Variants in FOXK2 observed in about 807,000 individuals in gnomAD.
The protein encoded by FOXK2 is forkhead box protein K2.
A neutral mutation model predicts 53.3 loss-of-function variants in FOXK2; 24 were observed. The ratio of observed to expected loss-of-function variants is 0.45; its 90% CI spans 0.33 to 0.63. FOXK2 has a LOEUF of 0.63. FOXK2 is among the 30% of genes least tolerant of loss of function. The pLI, the probability that FOXK2 is intolerant of heterozygous loss-of-function variation, is 0.03. For synonymous variants in FOXK2, 505 were observed against 407.1 expected (o/e 1.24, Z -2.89); for missense variants, 952 against 910.5 (o/e 1.05, Z -0.59).
chr17:82,561,609 G>A (rs78707531), intron 1 of FOXK2, among the ~76,000 whole-genome samples: 2,177 of 152,234 alleles, frequency 0.014, 126 homozygotes, highest in Admixed American at 0.098. Context: ...AGGACTGGCC[G>A]TCCTGCGTGT....
intron 1 of FOXK2, among the ~76,000 whole-genome samples, chr17:82,537,370 G>A (rs1429035855): frequency 2.0e-5 from 3 of 152,044 alleles, no homozygotes; most frequent in South Asian, 2.1e-4. Context: ...ATTGCCGGGC[G>A]GGCACGGTGG....
chr17:82,542,683 TG>T (rs1464115193), intron 1 of FOXK2, among the ~76,000 whole-genome samples: 1 of 152,074 alleles, frequency 6.6e-6, no homozygotes, highest in Admixed American at 6.6e-5. Context: ...AGAGGACAGG[TG>T]CAGAGTGCGG....
At chr17:82,575,981 G>A (rs1464788280) in intron 4 of FOXK2, among the ~76,000 whole-genome samples, 2 of 121,436 alleles carry the variant, frequency 1.6e-5, no homozygotes, top group Non-Finnish European at 3.4e-5. Context: ...GGCGGCGGCG[G>A]GTTCGTCCAC....
intron 2 of FOXK2, among the ~76,000 whole-genome samples, chr17:82,567,050 A>T (rs1024093891): frequency 6.6e-6 from 1 of 152,120 alleles, no homozygotes; most frequent in African/African-American, 2.4e-5. Flanking sequence ...TTCATGGCGG[A>T]GAGTCTAAGA....
intron 1 of FOXK2, among the ~76,000 whole-genome samples, chr17:82,553,568 C>G (rs1304086543): frequency 6.6e-6 from 1 of 152,244 alleles, no homozygotes; most frequent in African/African-American, 2.4e-5. Context: ...CACAGAAGCA[C>G]AAACATGGTT....
rs1012379606 is a variant in FOXK2 at position 82,603,812 on chromosome 17, G to A, written c.*2313G>A. ...ACAGATGGAAGGTGCACACGCTCCTGTCTCCTCCTCACTCTGCCACGTTCA... is the reference window on the plus strand; with the variant it reads ...ACAGATGGAAGGTGCACACGCTCCTATCTCCTCCTCACTCTGCCACGTTCA... On this transcript the variant is annotated 3_prime_UTR_variant, in exon 9 of 9. Coordinates refer to ENST00000335255, the MANE Select transcript of FOXK2 (RefSeq NM_004514.4). The A allele has an allele frequency of 1.2e-4, 18 of 150,736 alleles. No individual in the cohort carries two copies. The highest frequency in any genetic ancestry group is 4.4e-5 in the Non-Finnish European group (3 of 67,938). The allele number at this position is 150,736 out of a possible 1,614,324, so 9.3% of individuals were successfully genotyped here. A position where few individuals can be genotyped will look rare whatever the true frequency, so the allele number is the denominator to read the frequency against.
intron 1 of FOXK2, among the ~76,000 whole-genome samples, chr17:82,538,046 A>G (rs1567966909): frequency 6.6e-6 from 1 of 152,058 alleles, no homozygotes; most frequent in Non-Finnish European, 1.5e-5. Context: ...CAACATGGTG[A>G]AACCCTGTCT....
chr17:82,528,398 AGTATTCTT>A (rs1391304684), intron 1 of FOXK2, among the ~76,000 whole-genome samples: 6 of 152,212 alleles, frequency 3.9e-5, no homozygotes, highest in Non-Finnish European at 8.8e-5. Context: ...TTTGGGTAGT[AGTATTCTT>A]ATCTGTTTAA....
At chr17:82,597,089 G>A (rs112144789) in intron 8 of FOXK2, among the ~76,000 whole-genome samples, 3,748 of 152,292 alleles carry the variant, frequency 0.025, 158 homozygotes, top group African/African-American at 0.084. Context: ...GGCCCCACGC[G>A]CTAAGCCGTG....
chr17:82,583,064 T>C (rs1189703440), intron 5 of FOXK2, 130 bp downstream of exon 5: 7 of 703,140 alleles, frequency 1.0e-5, no homozygotes, highest in Non-Finnish European at 1.5e-5. Context: ...GGATGGGGAT[T>C]TGAGCAAAAG....
chr17:82,586,545 AGGCGGAG>A lies in FOXK2; in HGVS notation c.1576+348_1576+354del, dbSNP rs1567985507. Among the ~76,000 whole-genome samples, 10 of 25,466 alleles carry A rather than the reference AGGCGGAG, an allele frequency of 3.9e-4. 3 individuals are homozygous for A. The highest frequency in any genetic ancestry group is 3.5e-3 in the African/African-American group (9 of 2,560). 16.7% of individuals were successfully genotyped at this position (25,466 alleles called of 152,430 possible). On this transcript the variant is annotated intron_variant, in intron 7 of 8. Coordinates refer to ENST00000335255, the MANE Select transcript of FOXK2 (RefSeq NM_004514.4). ...GGGAGACCACAGGGAGGTCAAAGGT[AGGCGGAG>A]GGGAAAGGAGGAGAGGCTGCCCCAT...
Position 82,571,798 on chromosome 17 carries a change from C to G in FOXK2, c.837C>G (p.Leu279=), listed in dbSNP as rs375800179. 5 of 1,604,650 alleles carry G rather than the reference C, an allele frequency of 3.1e-6. No homozygotes were observed. The highest frequency in any genetic ancestry group is 2.7e-5 in the African/African-American group (2 of 74,114). ...QAITMAPDKQ[L]TLNGIYTHIT... ...TTACGATGGCTCCCGACAAACAGCTCACCCTGAACGGGATTTATACACACA... is the reference window on the plus strand; with the variant it reads ...TTACGATGGCTCCCGACAAACAGCTGACCCTGAACGGGATTTATACACACA... Residue 279 remains leucine (L), a synonymous_variant, in exon 4 of 9, where the codon CTC becomes CTG. Coordinates refer to ENST00000335255, the MANE Select transcript of FOXK2 (RefSeq NM_004514.4).
At chr17:82,592,879 G>A (rs1456097648) in intron 8 of FOXK2, among the ~76,000 whole-genome samples, 4 of 152,050 alleles carry the variant, frequency 2.6e-5, no homozygotes, top group Admixed American at 1.3e-4. Context: ...AGCAGACCCC[G>A]TGAAGGTCTC....
intron 4 of FOXK2, 131 bp from the exon 5 acceptor site, chr17:82,582,606 GAAAA>G (rs1398124304): frequency 5.9e-6 from 4 of 677,576 alleles, no homozygotes; most frequent in Non-Finnish European, 9.7e-6. Flanking sequence ...TGACGCAAAA[GAAAA>G]AAAATTCACT....
intron 1 of FOXK2, among the ~76,000 whole-genome samples, chr17:82,543,631 T>C (rs2044594427): frequency 6.6e-6 from 1 of 152,004 alleles, no homozygotes; most frequent in Non-Finnish European, 1.5e-5. Flanking sequence ...AGTCTTTCTT[T>C]TATTTTTATT....
At chr17:82,561,007 T>C (rs2044787642) in intron 1 of FOXK2, among the ~76,000 whole-genome samples, 1 of 152,114 alleles carries the variant, frequency 6.6e-6, no homozygotes, top group Non-Finnish European at 1.5e-5. Context: ...CTCCCCAGCC[T>C]CCCAAAGTGC....
At chr17:82,539,082 A>C (rs1044779905) in intron 1 of FOXK2, among the ~76,000 whole-genome samples, 10 of 152,222 alleles carry the variant, frequency 6.6e-5, no homozygotes, top group Admixed American at 6.5e-4. Context: ...TGAAGCTTTT[A>C]AAACTGTAAG....
chr17:82,587,605 C>T (rs548348945), intron 8 of FOXK2: 9 of 387,978 alleles, frequency 2.3e-5, no homozygotes, highest in East Asian at 6.0e-5. Flanking sequence ...CTTGGCCTCG[C>T]GCGCCCTGTG....
At chr17:82,563,794 C>T (rs541156279) in intron 2 of FOXK2, among the ~76,000 whole-genome samples, 1 of 148,902 alleles carries the variant, frequency 6.7e-6, no homozygotes, top group South Asian at 2.1e-4. Flanking sequence ...GTCTGTTGCC[C>T]AGGCTGGAGT....
Sources: allele counts gnomAD v4.1 joint callset (sites outside exome capture counted in the v4.1 genomes callset), GRCh38; gene constraint gnomAD v4.1.1; transcripts MANE v1.5; gene names NCBI Gene and HGNC (gene_info 2026-07-23, HGNC 2026-07-21).